The following NBAS variants were observed in gnomAD, a reference collection of about 807,000 sequenced individuals.
NBAS encodes the protein NBAS subunit of NRZ tethering complex, also known as NAG/BC035112 fusion.
Under a neutral mutation model 302.5 loss-of-function variants are expected in NBAS, and 219 were observed. The ratio of observed to expected loss-of-function variants is 0.72; its 90% CI spans 0.65 to 0.81. The LOEUF (loss-of-function observed/expected upper bound fraction) is 0.81. Among genes scored for constraint, NBAS ranks in the 30% least tolerant of loss-of-function variants. NBAS has a pLI of 0.00. For synonymous variants in NBAS, 1,118 were observed against 1,021.6 expected, an observed-to-expected ratio of 1.09 and a Z score of -1.80; for missense variants, 2,932 against 2,841.6, an observed-to-expected ratio of 1.03 and a Z score of -0.72.
At chr2:15,458,846 A>C (rs1018588963) in intron 21 of NBAS, among the ~76,000 whole-genome samples, 1 of 147,384 alleles carries the variant, frequency 6.8e-6, no homozygotes, top group Non-Finnish European at 1.5e-5. Context: ...TTTTAAAAAA[A>C]CTCTATTTTT....
At chr2:14,852,437 CA>C in the NBAS span, among the ~76,000 whole-genome samples, 1 of 95,454 alleles carries the variant, frequency 1.0e-5, no homozygotes, top group South Asian at 3.4e-4. Flanking sequence ...AAAGAGGATA[CA>C]AACAAATGGA....
chr2:15,067,445 G>T, the NBAS span, among the ~76,000 whole-genome samples: 1 of 78,918 alleles, frequency 1.3e-5, no homozygotes. Context: ...GAGAGGAGGG[G>T]AGAGGAGGGG....
chr2:15,467,200 T>G, intron 19 of NBAS, 129 bp downstream of exon 19: 2 of 723,200 alleles, frequency 2.8e-6, no homozygotes, highest in South Asian at 3.5e-5. Context: ...AGAACTTGCT[T>G]CTATAAGAAA....
chr2:14,914,997 C>T, the NBAS span, among the ~76,000 whole-genome samples: 1 of 152,204 alleles, frequency 6.6e-6, no homozygotes, highest in Admixed American at 6.5e-5. Context: ...TTTTAAGCCA[C>T]TGAGTTTTTT....
chr2:15,214,619 T>C (rs1276496920), intron 48 of NBAS, among the ~76,000 whole-genome samples: 1 of 152,224 alleles, frequency 6.6e-6, no homozygotes, highest in Non-Finnish European at 1.5e-5. Context: ...TCAAATATCC[T>C]AAATTTGGTT....
At chr2:15,316,725 C>T (rs571566447) in intron 38 of NBAS, among the ~76,000 whole-genome samples, 5 of 152,248 alleles carry the variant, frequency 3.3e-5, no homozygotes, top group Non-Finnish European at 4.4e-5. Context: ...GGCCAGGAAG[C>T]GCGAAGTGGG....
At chr2:15,009,484 G>A in the NBAS span, among the ~76,000 whole-genome samples, 4 of 151,608 alleles carry the variant, frequency 2.6e-5, no homozygotes, top group African/African-American at 9.7e-5. Flanking sequence ...GAAGCTCTAT[G>A]TGGTTGTTAC....
At chr2:14,929,911 T>A in the NBAS span, among the ~76,000 whole-genome samples, 1 of 152,144 alleles carries the variant, frequency 6.6e-6, no homozygotes, top group African/African-American at 2.4e-5. Context: ...GGGGGCAGAT[T>A]TCCCCCTTGC....
the NBAS span, among the ~76,000 whole-genome samples, chr2:14,844,086 T>G: frequency 2.6e-5 from 4 of 151,874 alleles, no homozygotes; most frequent in African/African-American, 9.7e-5. Flanking sequence ...GGAGTGCCTG[T>G]CTGCACCAAC....
intron 44 of NBAS, among the ~76,000 whole-genome samples, chr2:15,250,060 C>G: frequency 6.6e-6 from 1 of 152,188 alleles, no homozygotes; most frequent in African/African-American, 2.4e-5. Flanking sequence ...TGACTTCAAA[C>G]TATACTACAA....
chr2:14,892,547 G>A, the NBAS span, among the ~76,000 whole-genome samples: 74 of 152,020 alleles, frequency 4.9e-4, no homozygotes, highest in Non-Finnish European at 8.8e-4. Flanking sequence ...ATATTATACC[G>A]ACTCTATGGC....
chr2:15,011,955 G>A, the NBAS span, among the ~76,000 whole-genome samples: 1 of 152,154 alleles, frequency 6.6e-6, no homozygotes, highest in Non-Finnish European at 1.5e-5. Context: ...ACAGTTGGAA[G>A]AGGCAACTGT....
intron 40 of NBAS, among the ~76,000 whole-genome samples, chr2:15,299,938 C>T (rs1437585588): frequency 2.0e-5 from 3 of 152,082 alleles, no homozygotes; most frequent in Admixed American, 6.6e-5. Context: ...TTTTTAAAAA[C>T]GTAAAAATGA....
intron 38 of NBAS, among the ~76,000 whole-genome samples, chr2:15,324,476 CTCTA>C (rs1193699542): frequency 6.6e-5 from 10 of 152,158 alleles, no homozygotes; most frequent in East Asian, 3.9e-4. Context: ...AAACCCATCT[CTCTA>C]TCTATTTCCC....
intron 12 of NBAS, among the ~76,000 whole-genome samples, chr2:15,479,295 C>T (rs116123919): frequency 4.7e-4 from 72 of 152,152 alleles, no homozygotes; most frequent in African/African-American, 1.6e-3. Context: ...TCATAAGAAA[C>T]GATGACTAAG....
Position 15,379,667 on chromosome 2 carries a change from C to G in NBAS, c.3525G>C (p.Leu1175Phe). The change falls in exon 30 of 52, where the codon TTG (leucine) becomes TTC (phenylalanine). Residue 1175 changes from leucine to phenylalanine, a missense_variant. By Grantham distance (22) the Leu-to-Phe change is conservative (BLOSUM62 0). Coordinates refer to ENST00000281513, the MANE Select transcript of NBAS (RefSeq NM_015909.4). ...VSYEKSIDLV[L>F]AASREYFNSS... The stretch of plus-strand genomic sequence containing the variant: ...AATTGAAGTACTCTCTGCTGGCAGC[C>G]AAAACCAAGTCAATACTCTTTTCGT... 1 of 1,613,958 alleles carries G rather than the reference C, an allele frequency of 6.2e-7. No homozygotes were observed. Among genetic ancestry groups the G allele is most frequent in the Non-Finnish European group, 8.5e-7 (1 of 1,179,980 alleles).
intron 48 of NBAS, among the ~76,000 whole-genome samples, chr2:15,217,291 A>G (rs1350492261): frequency 1.3e-5 from 2 of 152,252 alleles, no homozygotes; most frequent in East Asian, 3.8e-4. Context: ...ACAAGAATAG[A>G]GAATCTTTGA....
At chr2:15,099,454 T>A in the NBAS span, among the ~76,000 whole-genome samples, 1 of 152,152 alleles carries the variant, frequency 6.6e-6, no homozygotes, top group Non-Finnish European at 1.5e-5. Flanking sequence ...TTTTTAAGTA[T>A]AGGGACCAGT....
chr2:15,303,183 G>A lies in NBAS; in HGVS notation c.4797+5033C>T, dbSNP rs996936363. Among the ~76,000 whole-genome samples the A allele has an allele frequency of 5.3e-5, 8 of 152,154 alleles. No homozygotes were observed. The South Asian group carries it at 6.2e-4, about 12-fold the overall frequency. ...ATACATATATCCTATTCCTTCTGCC[G>A]CTCTAGAAAACCCTGACTAATACAA... On this transcript the variant is annotated intron_variant, in intron 40 of 51. Transcript: ENST00000281513.
Sources: allele counts gnomAD v4.1 joint callset (sites outside exome capture counted in the v4.1 genomes callset), GRCh38; gene constraint gnomAD v4.1.1; transcripts MANE v1.5; gene names NCBI Gene and HGNC (gene_info 2026-07-23, HGNC 2026-07-21).